The following SLC38A12 variants were observed in gnomAD, a reference collection of about 807,000 sequenced individuals.
SLC38A12 encodes the protein putative sodium-coupled neutral amino acid transporter 12.
chr17:74,790,018 A>G, the SLC38A12 span, among the ~76,000 whole-genome samples: 4,505 of 150,350 alleles, frequency 0.03, 220 homozygotes, highest in African/African-American at 0.1. Context: ...CAGTGTTGCA[A>G]TCACGGCTCA....
At chr17:74,809,787 T>C in the SLC38A12 span, among the ~76,000 whole-genome samples, 1 of 152,160 alleles carries the variant, frequency 6.6e-6, no homozygotes, top group East Asian at 1.9e-4. Context: ...CTGGTTTCTT[T>C]CTCCCTGAAA....
the SLC38A12 span, chr17:74,838,634 AC>A: frequency 7.3e-7 from 1 of 1,364,442 alleles, no homozygotes; most frequent in East Asian, 2.9e-5. Context: ...GGGGACCCTC[AC>A]CACTGCCGTT....
the SLC38A12 span, chr17:74,794,904 C>A: frequency 4.4e-6 from 4 of 899,324 alleles, no homozygotes; most frequent in Non-Finnish European, 7.0e-6. Context: ...GCTCAGAGAA[C>A]TGAAAGCTAT....
the SLC38A12 span, among the ~76,000 whole-genome samples, chr17:74,819,585 G>T: frequency 6.6e-6 from 1 of 152,186 alleles, no homozygotes; most frequent in Non-Finnish European, 1.5e-5. Context: ...CCTGGCACTG[G>T]CACTTACCCA....
At chr17:74,811,866 C>T in the SLC38A12 span, among the ~76,000 whole-genome samples, 1 of 151,824 alleles carries the variant, frequency 6.6e-6, no homozygotes, top group Non-Finnish European at 1.5e-5. Context: ...ACCCCCATCT[C>T]TGCAAAAAAA....
chr17:74,801,609 T>TC, the SLC38A12 span, among the ~76,000 whole-genome samples: 1 of 152,068 alleles, frequency 6.6e-6, no homozygotes, highest in South Asian at 2.1e-4. Flanking sequence ...ATGTGTTTCT[T>TC]CCCCGCACCC....
chr17:74,838,011 A>G, the SLC38A12 span: 1 of 985,720 alleles, frequency 1.0e-6, no homozygotes, highest in Non-Finnish European at 1.2e-6. Flanking sequence ...CCTGTATCTC[A>G]GCGTCTTCAG....
At chr17:74,827,953 C>T in the SLC38A12 span, among the ~76,000 whole-genome samples, 1 of 152,322 alleles carries the variant, frequency 6.6e-6, no homozygotes, top group East Asian at 1.9e-4. This position sits in a 1 kb window ranked among gnomAD's most constrained non-coding sequence, Gnocchi z 4.7. Context: ...CCGGCACCTT[C>T]CAAGGGCTAA....
At chr17:74,805,251 G>A in the SLC38A12 span, among the ~76,000 whole-genome samples, 1 of 152,230 alleles carries the variant, frequency 6.6e-6, no homozygotes, top group East Asian at 1.9e-4. This position sits in a 1 kb window ranked among gnomAD's most constrained non-coding sequence, Gnocchi z 5.0. Flanking sequence ...CCTGCCTTTT[G>A]CAGGGAAAGG....
At chr17:74,809,228 A>G in the SLC38A12 span, among the ~76,000 whole-genome samples, 1 of 152,164 alleles carries the variant, frequency 6.6e-6, no homozygotes, top group Admixed American at 6.5e-5. Flanking sequence ...TTGCCTTGAA[A>G]AGGGGGAAGC....
chr17:74,827,363 T>C, the SLC38A12 span, among the ~76,000 whole-genome samples: 1 of 149,536 alleles, frequency 6.7e-6, no homozygotes, highest in African/African-American at 2.5e-5. This position sits in a 1 kb window ranked among gnomAD's most constrained non-coding sequence, Gnocchi z 4.7. Flanking sequence ...CAGCACAATC[T>C]CGGCTCACTC....
At chr17:74,827,320 G>A in the SLC38A12 span, among the ~76,000 whole-genome samples, 1 of 147,680 alleles carries the variant, frequency 6.8e-6, no homozygotes, top group East Asian at 2.0e-4. The surrounding 1 kb of genome is among the most constrained non-coding windows in gnomAD (Gnocchi z 4.7). Context: ...TTTTTAGACA[G>A]AGTCTCGCTC....
At chr17:74,835,442 A>G in the SLC38A12 span, among the ~76,000 whole-genome samples, 1 of 152,050 alleles carries the variant, frequency 6.6e-6, no homozygotes, top group South Asian at 2.1e-4. Context: ...CAAACACTCC[A>G]TGCCCTTCTT....
the SLC38A12 span, among the ~76,000 whole-genome samples, chr17:74,819,199 C>A: frequency 3.9e-5 from 6 of 152,180 alleles, no homozygotes; most frequent in African/African-American, 1.2e-4. Context: ...CTTCTCCTCT[C>A]GAAGTCAAAA....
At chr17:74,788,657 C>T in the SLC38A12 span, 2 of 676,822 alleles carry the variant, frequency 3.0e-6, no homozygotes, top group African/African-American at 3.7e-5. Context: ...AAGCCCATCT[C>T]TAGGGAACAG....
At chr17:74,779,946 G>A in the SLC38A12 span, among the ~76,000 whole-genome samples, 7 of 152,372 alleles carry the variant, frequency 4.6e-5, no homozygotes, top group South Asian at 4.1e-4. Flanking sequence ...CTGAACACGG[G>A]AACGTGGTTC....
chr17:74,836,620 TGCTCTGG>T, the SLC38A12 span: 7 of 1,612,902 alleles, frequency 4.3e-6, no homozygotes, highest in Non-Finnish European at 5.9e-6. This position sits in a 1 kb window ranked among gnomAD's most constrained non-coding sequence, Gnocchi z 4.2. Context: ...GGCTTCGTGC[TGCTCTGG>T]GCTTTCTCCT....
At chr17:74,782,463 C>G in the SLC38A12 span, among the ~76,000 whole-genome samples, 1 of 152,192 alleles carries the variant, frequency 6.6e-6, no homozygotes, top group Non-Finnish European at 1.5e-5. Context: ...GTATCCTCAG[C>G]TCCAAGCACA....
At chr17:74,777,300 C>A in the SLC38A12 span, 1 of 1,614,102 alleles carries the variant, frequency 6.2e-7, no homozygotes, top group Non-Finnish European at 8.5e-7. Context: ...CCTAAGGAAC[C>A]TCTGCTGCCA....
Sources: gnomAD v4.1 joint callset for allele counts (sites outside exome capture counted in the v4.1 genomes callset) on GRCh38, gnomAD v4.1.1 for gene constraint, Gnocchi (gnomAD v3.1) non-coding constraint, MANE v1.5 for transcripts, NCBI Gene and HGNC (gene_info 2026-07-23, HGNC 2026-07-21) for gene names.